FSD1L: variants seen among roughly 807,000 people sequenced by gnomAD.
FSD1L encodes fibronectin type III and SPRY domain containing 1 like.
FSD1L carries 45 observed loss-of-function variants against 71.6 expected under a neutral mutation model. That is an observed-to-expected ratio of 0.63 (90% CI 0.49 to 0.81). The LOEUF is 0.81. Ranked by LOEUF, FSD1L falls within the 30% of genes least tolerant of loss-of-function variation. The pLI, the probability that FSD1L is intolerant of heterozygous loss-of-function variation, is 0.00. For synonymous variants in FSD1L, 197 were observed against 207.2 expected (o/e 0.95, Z 0.42); for missense variants, 561 against 618.1 (o/e 0.91, Z 0.98).
At chr9:105,468,577 C>T (rs1191729504) in intron 4 of FSD1L, among the ~76,000 whole-genome samples, 1 of 151,692 alleles carries the variant, frequency 6.6e-6, no homozygotes, top group Non-Finnish European at 1.5e-5. Flanking sequence ...TCATTGCAAC[C>T]TCTGCCTCCC....
upstream of FSD1L, chr9:105,447,917 C>G (rs1026192772): frequency 2.4e-5 from 12 of 505,904 alleles, no homozygotes; most frequent in Admixed American, 2.9e-4. Context: ...CCTGCAGAGG[C>G]ACTAGCGGTA....
At chr9:105,540,510 T>C (rs1026432380) in intron 13 of FSD1L, among the ~76,000 whole-genome samples, 1 of 152,166 alleles carries the variant, frequency 6.6e-6, no homozygotes. Flanking sequence ...CATGAAAATA[T>C]TCTTCTAAAA....
intron 7 of FSD1L, among the ~76,000 whole-genome samples, chr9:105,499,320 C>A (rs1833623875): frequency 6.6e-6 from 1 of 152,204 alleles, no homozygotes; most frequent in African/African-American, 2.4e-5. Context: ...TTTGAATTAA[C>A]TGTTACTGGT....
At chr9:105,512,770 A>C in intron 9 of FSD1L, 37 bp from the exon 10 acceptor site, 1 of 1,213,530 alleles carries the variant, frequency 8.2e-7, no homozygotes, top group Non-Finnish European at 1.1e-6. Context: ...GAGATATGCT[A>C]TATTTTAAAA....
chr9:105,537,562 A>G (rs1836346284), intron 12 of FSD1L, among the ~76,000 whole-genome samples: 1 of 152,082 alleles, frequency 6.6e-6, no homozygotes, highest in Non-Finnish European at 1.5e-5. Flanking sequence ...GGCAAGGGGA[A>G]GTTGTACTGT....
chr9:105,468,863 A>G (rs1197424525), intron 4 of FSD1L, among the ~76,000 whole-genome samples: 1 of 152,196 alleles, frequency 6.6e-6, no homozygotes, highest in African/African-American at 2.4e-5. Flanking sequence ...ACATTTTTGT[A>G]TAACAGATCT....
intron 8 of FSD1L, among the ~76,000 whole-genome samples, chr9:105,508,058 G>A (rs1253014846): frequency 2.0e-5 from 3 of 151,740 alleles, no homozygotes; most frequent in South Asian, 2.1e-4. Context: ...TAGTAGAGAC[G>A]GGGTTTCTCC....
intron 13 of FSD1L, among the ~76,000 whole-genome samples, chr9:105,541,374 G>A (rs1315329942): frequency 6.6e-6 from 1 of 150,538 alleles, no homozygotes; most frequent in Non-Finnish European, 1.5e-5. Flanking sequence ...TCAAGGATGA[G>A]TTGTTTACCA....
At chr9:105,515,904 T>C (rs973976660) in intron 10 of FSD1L, among the ~76,000 whole-genome samples, 1 of 151,230 alleles carries the variant, frequency 6.6e-6, no homozygotes, top group African/African-American at 2.4e-5. Context: ...GCTGGGCGGG[T>C]CCCACCCCCA....
Position 105,539,315 on chromosome 9 carries a change from G to T in FSD1L, c.1431G>T (p.Lys477Asn). 1 of 1,506,498 alleles carries T rather than the reference G, an allele frequency of 6.6e-7. No individual in the cohort carries two copies. The highest frequency in any genetic ancestry group is 1.4e-5 in the African/African-American group (1 of 71,186). The allele number at this position is 1,506,498 out of a possible 1,614,324, so 93.3% of individuals were successfully genotyped here. A position where few individuals can be genotyped will look rare whatever the true frequency, so the allele number is the denominator to read the frequency against. The change falls in exon 13 of 14, where the codon AAG (lysine) becomes AAT (asparagine). Residue 477 changes from lysine (K) to asparagine (N), a missense_variant. Lys to Asn is a moderately conservative substitution (Grantham distance 94, BLOSUM62 0). This residue lies in a region of FSD1L where 98 missense variants were observed against 102.3 expected (regional missense o/e 0.96). Coordinates refer to ENST00000481272, the MANE Select transcript of FSD1L (RefSeq NM_001145313.3). ...CTAAACAGTTGCTATATTCCTTTAA[G>T]ACAAAATTTACTCAGCCAGTACTAC... ...ANSKQLLYSFKTKFTQPVLPG... is the reference protein window; with the variant it reads ...ANSKQLLYSFNTKFTQPVLPG...
At chr9:105,470,693 A>G (rs1471231119) in intron 4 of FSD1L, among the ~76,000 whole-genome samples, 1 of 152,130 alleles carries the variant, frequency 6.6e-6, no homozygotes, top group Non-Finnish European at 1.5e-5. Context: ...TCCAAGGATC[A>G]GATACTGTAT....
intron 7 of FSD1L, among the ~76,000 whole-genome samples, chr9:105,492,091 A>G (rs1260046654): frequency 6.6e-6 from 1 of 151,836 alleles, no homozygotes; most frequent in Admixed American, 6.6e-5. Context: ...TCCTCCTTGT[A>G]CCTCTGGTAG....
intron 10 of FSD1L, among the ~76,000 whole-genome samples, chr9:105,517,933 A>T (rs1834838641): frequency 6.6e-6 from 1 of 152,236 alleles, no homozygotes; most frequent in African/African-American, 2.4e-5. Context: ...ATGCAAAGAC[A>T]AACATAGGCT....
chr9:105,524,377 G>A, intron 10 of FSD1L: 2 of 1,613,934 alleles, frequency 1.2e-6, no homozygotes, highest in Non-Finnish European at 1.7e-6. Context: ...CTTTTACCAA[G>A]TACAGAGGCT....
intron 12 of FSD1L, among the ~76,000 whole-genome samples, chr9:105,536,274 G>A (rs973871962): frequency 6.6e-5 from 10 of 152,256 alleles, no homozygotes; most frequent in South Asian, 4.1e-4. Context: ...ACAGAATTAC[G>A]TTTCCTCACT....
chr9:105,452,839 A>G (rs1450093729), intron 1 of FSD1L, among the ~76,000 whole-genome samples: 1 of 151,798 alleles, frequency 6.6e-6, no homozygotes, highest in Admixed American at 6.6e-5. Flanking sequence ...TGCTCAAGCT[A>G]TCCTCCCAGC....
At chr9:105,525,701 G>A in intron 10 of FSD1L, 5 of 1,606,782 alleles carry the variant, frequency 3.1e-6, no homozygotes, top group Non-Finnish European at 4.3e-6. Flanking sequence ...GTTGCTGAAG[G>A]ACAAGAAGAC....
chr9:105,444,440 A>T (rs1413030566), upstream of FSD1L, among the ~76,000 whole-genome samples: 1 of 152,158 alleles, frequency 6.6e-6, no homozygotes, highest in African/African-American at 2.4e-5. Flanking sequence ...ATGGCCCTAT[A>T]CTGACTCCCA....
intron 5 of FSD1L, among the ~76,000 whole-genome samples, chr9:105,477,459 C>T (rs1028135646): frequency 2.0e-5 from 3 of 152,104 alleles, no homozygotes; most frequent in Non-Finnish European, 2.9e-5. Context: ...AGTTATGGTA[C>T]AGAGGGAAAG....
Sources: gnomAD v4.1 joint callset for allele counts (sites outside exome capture counted in the v4.1 genomes callset) on GRCh38, gnomAD v4.1.1 for gene constraint, gnomAD v4.1.1 regional missense constraint, MANE v1.5 for transcripts, NCBI Gene and HGNC (gene_info 2026-07-23, HGNC 2026-07-21) for gene names.